The following FBXL5 variants were observed in gnomAD, a reference collection of about 807,000 sequenced individuals.
FBXL5 encodes F-box and leucine rich repeat protein 5.
In FBXL5, 26 loss-of-function variants were observed where a neutral mutation model predicts 78.3. That is an observed-to-expected ratio of 0.33 (90% CI 0.24 to 0.46). The LOEUF (loss-of-function observed/expected upper bound fraction) is 0.46. Among genes scored for constraint, FBXL5 ranks in the 20% least tolerant of loss-of-function variants. The probability of loss-of-function intolerance (pLI) is 1.00; values close to 1 mark genes in which losing one functional copy is unlikely to be tolerated. For missense variants in FBXL5, 710 were observed against 829.2 expected (o/e 0.86, Z 1.77); for synonymous variants, 295 against 282.5 (o/e 1.04, Z -0.45).
At chr4:15,615,445 C>A (rs1253081115) in intron 9 of FBXL5, among the ~76,000 whole-genome samples, 1 of 88,868 alleles carries the variant, frequency 1.1e-5, no homozygotes, top group African/African-American at 4.1e-5. Context: ...CAATCAGCAC[C>A]CTGTGTTTAG....
intron 7 of FBXL5, among the ~76,000 whole-genome samples, chr4:15,627,408 C>T (rs1376273553): frequency 2.0e-5 from 3 of 152,138 alleles, no homozygotes; most frequent in African/African-American, 4.8e-5. Context: ...GCTGGGATTA[C>T]AGGCATGAGC....
chr4:15,672,854 A>T (rs898558994), intron 1 of FBXL5, among the ~76,000 whole-genome samples: 2 of 152,184 alleles, frequency 1.3e-5, no homozygotes, highest in African/African-American at 4.8e-5. Context: ...CTTAAAATAC[A>T]TGTTGTACAG....
chr4:15,631,191 G>C (rs1219993361), intron 5 of FBXL5, among the ~76,000 whole-genome samples: 2 of 152,164 alleles, frequency 1.3e-5, no homozygotes, highest in Non-Finnish European at 2.9e-5. Context: ...CCTTGTGACA[G>C]TTTGCTAAGA....
chr4:15,624,830 A>T (rs566994739), intron 9 of FBXL5, among the ~76,000 whole-genome samples: 1 of 152,270 alleles, frequency 6.6e-6, no homozygotes, highest in South Asian at 2.1e-4. Flanking sequence ...AGTCAGACTA[A>T]ATGACTTCCA....
At chr4:15,657,248 A>G (rs935668582), upstream of FBXL5, among the ~76,000 whole-genome samples, 3 of 152,216 alleles carry the variant, frequency 2.0e-5, no homozygotes, top group Non-Finnish European at 4.4e-5. Flanking sequence ...AACCAGTTAT[A>G]TAGAGAAATG....
At chr4:15,667,754 C>T (rs899399946) in intron 1 of FBXL5, among the ~76,000 whole-genome samples, 1 of 152,014 alleles carries the variant, frequency 6.6e-6, no homozygotes, top group African/African-American at 2.4e-5. Context: ...ATTTGACTTC[C>T]TGGTATAAGA....
chr4:15,680,989 C>CA (rs56262785), intron 1 of FBXL5, among the ~76,000 whole-genome samples: 42,495 of 149,328 alleles, frequency 0.28, 6,288 homozygotes, highest in East Asian at 0.47. Context: ...ATCTCAACCA[C>CA]AAAAAAATTT....
chr4:15,638,982 T>C (rs781033684), intron 3 of FBXL5, among the ~76,000 whole-genome samples: 6 of 152,062 alleles, frequency 3.9e-5, no homozygotes, highest in South Asian at 2.1e-4. Context: ...CTGATCAACA[T>C]AGAAAAACGC....
chr4:15,659,712 C>T (rs956753500), upstream of FBXL5: 1 of 984,726 alleles, frequency 1.0e-6, no homozygotes, highest in African/African-American at 1.7e-5. Context: ...CCAAATATAC[C>T]TTTATGTCAC....
At chr4:15,611,660 T>A (rs1032979754) in intron 10 of FBXL5, among the ~76,000 whole-genome samples, 3 of 152,128 alleles carry the variant, frequency 2.0e-5, no homozygotes, top group African/African-American at 4.8e-5. Flanking sequence ...AAGAAGTATT[T>A]CTTGTGATTT....
chr4:15,644,734 T>C (rs746093997), intron 1 of FBXL5, 26 bp from the exon 2 acceptor site: 1 of 1,540,376 alleles, frequency 6.5e-7, no homozygotes, highest in Non-Finnish European at 8.9e-7. Flanking sequence ...AAAAGAAAAG[T>C]GTAATAAATA....
At chr4:15,641,790 G>A (rs995145204) in intron 2 of FBXL5, among the ~76,000 whole-genome samples, 8 of 152,078 alleles carry the variant, frequency 5.3e-5, no homozygotes, top group African/African-American at 9.7e-5. Context: ...ACTTTGGGAC[G>A]CAGAGGCAGG....
At chr4:15,629,369 A>G (rs2148591054) in intron 6 of FBXL5, among the ~76,000 whole-genome samples, 1 of 152,262 alleles carries the variant, frequency 6.6e-6, no homozygotes, top group Admixed American at 6.5e-5. Flanking sequence ...TTGACATCTG[A>G]GCAAATATCT....
chr4:15,631,164 G>A (rs932866162), intron 5 of FBXL5, among the ~76,000 whole-genome samples: 3 of 152,206 alleles, frequency 2.0e-5, no homozygotes, highest in East Asian at 3.9e-4. Context: ...GAGAACATGC[G>A]GTATTTGGTT....
chr4:15,623,274 G>C (rs924224143), intron 9 of FBXL5, among the ~76,000 whole-genome samples: 42 of 151,772 alleles, frequency 2.8e-4, no homozygotes, highest in African/African-American at 9.2e-4. Context: ...TCAAAATTTT[G>C]ACTGCCCTTG....
chr4:15,660,483 G>A (rs1412802370), upstream of FBXL5, among the ~76,000 whole-genome samples: 1 of 152,150 alleles, frequency 6.6e-6, no homozygotes, highest in Non-Finnish European at 1.5e-5. Context: ...TAGAAATAGA[G>A]ATGTCATGTA....
intron 1 of FBXL5, 123 bp downstream of exon 1, chr4:15,655,081 G>T: frequency 5.9e-6 from 4 of 677,646 alleles, no homozygotes; most frequent in South Asian, 6.9e-5. Context: ...CTGCGCAGGC[G>T]GCTACTCGCG....
At chr4:15,680,473 C>G (rs1718186081) in intron 1 of FBXL5, among the ~76,000 whole-genome samples, 2 of 152,066 alleles carry the variant, frequency 1.3e-5, no homozygotes, top group Admixed American at 1.3e-4. Flanking sequence ...GAGTTCGAGA[C>G]CAGCCTGGCC....
At position 15,605,607 on chromosome 4, in the gene FBXL5, C is replaced by A; in HGVS notation, c.*116G>T. The A allele has an allele frequency of 1.3e-6, 1 of 770,064 alleles. No homozygotes were observed. Among genetic ancestry groups the A allele is most frequent in the East Asian group, 2.8e-5 (1 of 36,204 alleles). 47.7% of individuals were successfully genotyped at this position (770,064 alleles called of 1,614,324 possible). On this transcript the variant is annotated 3_prime_UTR_variant, in exon 11 of 11. Coordinates refer to ENST00000341285, the MANE Select transcript of FBXL5 (RefSeq NM_012161.4). ...ATTTCTGAAGTTGTAAGAAATGGGG[C>A]CAAAACAAGTCACGCTCAAAAAGGG...
Sources: gnomAD v4.1 joint callset for allele counts (sites outside exome capture counted in the v4.1 genomes callset) on GRCh38, gnomAD v4.1.1 for gene constraint, MANE v1.5 for transcripts, NCBI Gene and HGNC (gene_info 2026-07-23, HGNC 2026-07-21) for gene names.